CSMD3: variants seen among roughly 807,000 people sequenced by gnomAD.
CSMD3 encodes the protein CUB and sushi domain-containing protein 3.
A neutral mutation model predicts 435.2 loss-of-function variants in CSMD3; 177 were observed. The observed-to-expected ratio is 0.41, with a 90% confidence interval of 0.36 to 0.46. The LOEUF is 0.46. Among genes scored for constraint, CSMD3 ranks in the 20% least tolerant of loss-of-function variants. The pLI, the probability that CSMD3 is intolerant of heterozygous loss-of-function variation, is 0.34. For synonymous variants in CSMD3, 1,656 were observed against 1,520.5 expected (o/e 1.09, Z -2.07); for missense variants, 4,265 against 4,504.6 (o/e 0.95, Z 1.52).
intron 36 of CSMD3, among the ~76,000 whole-genome samples, chr8:112,389,543 G>T (rs960260472): frequency 1.3e-5 from 2 of 152,096 alleles, no homozygotes; most frequent in African/African-American, 4.8e-5. Flanking sequence ...TTTGTCATTG[G>T]TTTGCTGGCA....
At chr8:112,693,789 T>C (rs1014285687) in intron 13 of CSMD3, among the ~76,000 whole-genome samples, 3 of 151,926 alleles carry the variant, frequency 2.0e-5, no homozygotes. Context: ...TGTTGAAAAT[T>C]AGGAATTTAG....
intron 35 of CSMD3, among the ~76,000 whole-genome samples, chr8:112,392,711 A>G (rs1375363846): frequency 6.6e-6 from 1 of 151,382 alleles, no homozygotes; most frequent in East Asian, 1.9e-4. Flanking sequence ...TGGCCTCCCT[A>G]TGGCTGGTAT....
chr8:113,043,101 T>C lies in CSMD3; in HGVS notation c.918-23922A>G, dbSNP rs188433940. Among the ~76,000 whole-genome samples the C allele has an allele frequency of 5.3e-5, 8 of 152,340 alleles. No individual in the cohort carries two copies. The East Asian group carries it at 1.5e-3, about 29-fold the overall frequency. ...CTTATGTGTTGCAAATATAGTATTC[T>C]TTCTAAAACTTGTTAAGTTGTCACA... On this transcript the variant is annotated intron_variant, in intron 5 of 70. Transcript: ENST00000297405.
chr8:112,462,930 G>A (rs1817595185), intron 32 of CSMD3, among the ~76,000 whole-genome samples: 2 of 152,280 alleles, frequency 1.3e-5, no homozygotes, highest in South Asian at 4.1e-4. Context: ...AAACTCCACA[G>A]TCAATCTCCC....
At chr8:112,662,216 T>A (rs2075399393) in intron 17 of CSMD3, among the ~76,000 whole-genome samples, 1 of 152,108 alleles carries the variant, frequency 6.6e-6, no homozygotes, top group Non-Finnish European at 1.5e-5. Flanking sequence ...CATTTCCAAG[T>A]CAATCCTAAG....
intron 4 of CSMD3, among the ~76,000 whole-genome samples, chr8:113,162,338 G>C (rs769390066): frequency 6.6e-6 from 1 of 151,960 alleles, no homozygotes; most frequent in African/African-American, 2.4e-5. Context: ...GCGTGAGGCA[G>C]GTAGATCACC....
At chr8:113,360,447 A>G (rs1468770823) in intron 1 of CSMD3, among the ~76,000 whole-genome samples, 1 of 152,176 alleles carries the variant, frequency 6.6e-6, no homozygotes, top group Non-Finnish European at 1.5e-5. Flanking sequence ...CTCATATGCT[A>G]AAATACACAT....
At chr8:112,476,959 TATC>T (rs1819114900) in intron 31 of CSMD3, among the ~76,000 whole-genome samples, 1 of 152,048 alleles carries the variant, frequency 6.6e-6, no homozygotes, top group African/African-American at 2.4e-5. Context: ...ACATAAGACT[TATC>T]ATATTTCTCT....
chr8:112,488,129 T>C lies in CSMD3; in HGVS notation c.5278+4360A>G, dbSNP rs1444481087. On this transcript the variant is annotated intron_variant, in intron 31 of 70. Transcript: ENST00000297405. ...GATGCAATCATTTTGGATTTACTTC[T>C]GACAAATATAATCTCCCAGTGTCCA... is the stretch of plus-strand genomic sequence containing the variant. Among the ~76,000 whole-genome samples, 12 of 152,308 alleles carry C rather than the reference T, an allele frequency of 7.9e-5. No individual in the cohort carries two copies. The South Asian group carries it at 2.5e-3, about 32-fold the overall frequency.
chr8:113,153,148 AAGG>A, intron 4 of CSMD3, among the ~76,000 whole-genome samples: 1 of 141,974 alleles, frequency 7.0e-6, no homozygotes, highest in East Asian at 2.2e-4. Context: ...GGAAGGAAGG[AAGG>A]AAGGAAGGAA....
At position 112,549,577 on chromosome 8, in the gene CSMD3, T is replaced by G. The variant is rs1160873192; in HGVS notation, c.4564+1094A>C. On this transcript the variant is annotated intron_variant, in intron 27 of 70. Transcript: ENST00000297405. ...TTAAAACGGTATATTTTGTTGGCACTGATTTCAAAAGTCCTTCCTTCATAC... is the reference window on the plus strand; with the variant it reads ...TTAAAACGGTATATTTTGTTGGCACGGATTTCAAAAGTCCTTCCTTCATAC... 2.6e-5 allele frequency among the ~76,000 whole-genome samples: 4 copies of G among 152,042 alleles called. No homozygotes were observed. The East Asian group carries it at 7.7e-4, about 29-fold the overall frequency.
At chr8:112,988,229 A>G (rs2085325095) in intron 6 of CSMD3, among the ~76,000 whole-genome samples, 1 of 152,054 alleles carries the variant, frequency 6.6e-6, no homozygotes, top group African/African-American at 2.4e-5. Flanking sequence ...AATGACCTAC[A>G]TAATGTTTTT....
chr8:113,308,655 G>T (rs1016135357), intron 2 of CSMD3, among the ~76,000 whole-genome samples: 12 of 152,208 alleles, frequency 7.9e-5, no homozygotes, highest in African/African-American at 4.8e-5. Context: ...TCATATTTCT[G>T]TATCTGTATC....
At chr8:112,494,571 C>CTTTCTTTCT (rs764889943) in intron 30 of CSMD3, among the ~76,000 whole-genome samples, 6 of 93,720 alleles carry the variant, frequency 6.4e-5, no homozygotes, top group African/African-American at 2.8e-4. Context: ...TTCTTTCTTT[C>CTTTCTTTCT]TTTTCTTTCT....
intron 4 of CSMD3, among the ~76,000 whole-genome samples, chr8:113,121,154 G>A (rs1470244840): frequency 1.3e-5 from 2 of 152,036 alleles, no homozygotes; most frequent in Non-Finnish European, 2.9e-5. Context: ...GAGCCCTGGA[G>A]ATAAAGAAGC....
At chr8:113,068,612 A>AC (rs1284092476) in intron 5 of CSMD3, among the ~76,000 whole-genome samples, 1 of 152,130 alleles carries the variant, frequency 6.6e-6, no homozygotes, top group African/African-American at 2.4e-5. Flanking sequence ...GCAATTTTAC[A>AC]CTACGGAAGT....
At chr8:112,448,285 C>A (rs1815852738) in intron 32 of CSMD3, among the ~76,000 whole-genome samples, 3 of 152,104 alleles carry the variant, frequency 2.0e-5, no homozygotes, top group African/African-American at 4.8e-5. Context: ...TTTATGGCCT[C>A]ATTAAACCTT....
At chr8:113,196,351 C>A (rs2092655884) in intron 3 of CSMD3, among the ~76,000 whole-genome samples, 1 of 151,104 alleles carries the variant, frequency 6.6e-6, no homozygotes, top group Non-Finnish European at 1.5e-5. Context: ...TTTGCAAAGC[C>A]AGAGGTATGA....
Position 112,921,770 on chromosome 8 carries a change from G to C in CSMD3, c.1509-19C>G, listed in dbSNP as rs2130632991. 6.3e-7 allele frequency: 1 copy of C among 1,581,866 alleles called. No homozygotes were observed. The highest frequency in any genetic ancestry group is 2.2e-5 in the East Asian group (1 of 44,560). On this transcript the variant is annotated intron_variant, in intron 9 of 70. Coordinates refer to ENST00000297405, the MANE Select transcript of CSMD3 (RefSeq NM_198123.2). ...TCCAAGGCTAAAGTTAAATAAAAGA[G>C]AAAAAATATGATAAGAAAGATGCAA...
Sources: gnomAD v4.1 joint callset for allele counts (sites outside exome capture counted in the v4.1 genomes callset) on GRCh38, gnomAD v4.1.1 for gene constraint, MANE v1.5 for transcripts, NCBI Gene and HGNC (gene_info 2026-07-23, HGNC 2026-07-21) for gene names.